Variants in EBF1 observed in about 807,000 individuals in gnomAD.
EBF1 encodes EBF transcription factor 1.
Under a neutral mutation model 68.4 loss-of-function variants are expected in EBF1, and 10 were observed. That is an observed-to-expected ratio of 0.15 (90% CI 0.09 to 0.25). The LOEUF (loss-of-function observed/expected upper bound fraction) is 0.25, where lower values mean the gene tolerates loss of function less well. EBF1 is among the 10% of genes least tolerant of loss of function. EBF1 has a pLI of 1.00. For synonymous variants in EBF1, 298 were observed against 299.8 expected, an observed-to-expected ratio of 0.99 and a Z score of 0.06; for missense variants, 509 against 794.4, an observed-to-expected ratio of 0.64 and a Z score of 4.32.
chr5:159,052,208 C>CA (rs79152124), intron 6 of EBF1, among the ~76,000 whole-genome samples: 83 of 144,574 alleles, frequency 5.7e-4, no homozygotes, highest in South Asian at 3.7e-3. Flanking sequence ...AGAATTCCAC[C>CA]AAAAAAAAAA....
intron 6 of EBF1, among the ~76,000 whole-genome samples, chr5:158,935,479 C>G (rs1811810609): frequency 6.6e-6 from 1 of 152,160 alleles, no homozygotes; most frequent in South Asian, 2.1e-4. Flanking sequence ...GGTAGAACAC[C>G]CTATATCCAC....
chr5:158,803,357 T>G (rs77125547), intron 8 of EBF1, among the ~76,000 whole-genome samples: 9 of 6,116 alleles, frequency 1.5e-3, no homozygotes, highest in Non-Finnish European at 2.7e-3. Context: ...TGCTGGTGTT[T>G]TTTTTTTTTT....
intron 9 of EBF1, among the ~76,000 whole-genome samples, chr5:158,792,823 C>T (rs1778915434): frequency 6.6e-6 from 1 of 152,060 alleles, no homozygotes; most frequent in African/African-American, 2.4e-5. Flanking sequence ...TCCAGTGGTG[C>T]CGATCACAAA....
At chr5:158,809,655 G>A (rs1163371722) in intron 8 of EBF1, among the ~76,000 whole-genome samples, 2 of 151,976 alleles carry the variant, frequency 1.3e-5, no homozygotes, top group Non-Finnish European at 2.9e-5. Context: ...TAATATAATA[G>A]CACAGGTGCC....
chr5:158,819,043 G>C (rs979568549), intron 8 of EBF1, among the ~76,000 whole-genome samples: 1 of 151,806 alleles, frequency 6.6e-6, no homozygotes, highest in African/African-American at 2.4e-5. Flanking sequence ...CATTTCTCTA[G>C]TCACCATGGA....
chr5:158,831,040 T>C (rs10070743), intron 7 of EBF1, among the ~76,000 whole-genome samples: 90,613 of 152,072 alleles, frequency 0.6, 27,165 homozygotes, highest in South Asian at 0.7. Context: ...AACGGTGACA[T>C]ATGATAAACA....
At chr5:158,872,996 ATTTT>A (rs539493620) in intron 6 of EBF1, among the ~76,000 whole-genome samples, 817 of 81,072 alleles carry the variant, frequency 0.01, 8 homozygotes, top group African/African-American at 0.026. Flanking sequence ...AATGACACTA[ATTTT>A]TTTTTTTTTT....
chr5:158,730,755 G>C (rs1269649603), intron 11 of EBF1, among the ~76,000 whole-genome samples: 1 of 152,196 alleles, frequency 6.6e-6, no homozygotes, highest in African/African-American at 2.4e-5. Flanking sequence ...CGATTTACAT[G>C]CTATGTGACC....
chr5:159,001,619 A>G (rs1479708578), intron 6 of EBF1, among the ~76,000 whole-genome samples: 2 of 152,186 alleles, frequency 1.3e-5, no homozygotes, highest in South Asian at 2.1e-4. Context: ...AGCTTCTGAT[A>G]TTACCTTCAT....
chr5:158,962,214 C>T (rs138633285), intron 6 of EBF1, among the ~76,000 whole-genome samples: 1 of 152,280 alleles, frequency 6.6e-6, no homozygotes, highest in African/African-American at 2.4e-5. Flanking sequence ...GCCCCCTTCT[C>T]AGATGTTTTG....
chr5:158,986,976 G>A (rs1171690856), intron 6 of EBF1: 1 of 152,216 alleles, frequency 6.6e-6, no homozygotes, highest in African/African-American at 2.4e-5. Context: ...CAGCTAGGAG[G>A]TGTCAGAGAC....
At chr5:158,740,411 A>G (rs2127568881) in intron 10 of EBF1, among the ~76,000 whole-genome samples, 1 of 152,326 alleles carries the variant, frequency 6.6e-6, no homozygotes, top group South Asian at 2.1e-4. Context: ...ACCAGTGGAC[A>G]GGTTTCAGAA....
Position 158,712,978 on chromosome 5 carries a change from G to T in EBF1, c.1361C>A (p.Thr454Asn). ...AAAAGCAAGCTTCTGACCCTGATTGGTGGCTTGTGATGCCTCGGAGACATT... is the reference window on the plus strand; with the variant it reads ...AAAAGCAAGCTTCTGACCCTGATTGTTGGCTTGTGATGCCTCGGAGACATT... The part of the protein sequence containing the change: ...AVNVSEASQA[T>N]NQGFTRNSSS... Residue 454 changes from threonine to asparagine, a missense_variant, in exon 13 of 16, where the codon ACC becomes AAC. Transcript: ENST00000313708. 6.7e-7 allele frequency: 1 copy of T among 1,487,210 alleles called. No homozygotes were observed. Among genetic ancestry groups the T allele is most frequent in the South Asian group, 1.4e-5 (1 of 70,116 alleles). 92.1% of individuals were successfully genotyped at this position (1,487,210 alleles called of 1,614,324 possible).
chr5:158,732,557 A>G (rs1422013797), intron 10 of EBF1, among the ~76,000 whole-genome samples: 1 of 152,244 alleles, frequency 6.6e-6, no homozygotes, highest in East Asian at 1.9e-4. Flanking sequence ...AAACCTTAAA[A>G]TTCCTTGATT....
At chr5:159,034,585 A>G (rs901909153) in intron 6 of EBF1, among the ~76,000 whole-genome samples, 1 of 152,194 alleles carries the variant, frequency 6.6e-6, no homozygotes, top group Non-Finnish European at 1.5e-5. Context: ...GCGAGGCCTG[A>G]CAGAGGAGAG....
intron 6 of EBF1, among the ~76,000 whole-genome samples, chr5:158,972,391 C>T (rs991265536): frequency 6.6e-6 from 1 of 152,156 alleles, no homozygotes; most frequent in African/African-American, 2.4e-5. Context: ...GTTGTCAAAG[C>T]GGATAGATGT....
intron 8 of EBF1, among the ~76,000 whole-genome samples, chr5:158,812,005 A>G (rs1782763177): frequency 6.6e-6 from 1 of 152,160 alleles, no homozygotes; most frequent in Admixed American, 6.6e-5. Flanking sequence ...TTTGTACCTT[A>G]TAGCACTTAA....
intron 6 of EBF1, among the ~76,000 whole-genome samples, chr5:158,887,248 A>G (rs1800243827): frequency 6.6e-6 from 1 of 152,206 alleles, no homozygotes; most frequent in Non-Finnish European, 1.5e-5. Flanking sequence ...TGGCCAATAA[A>G]ACCTAACAGG....
chr5:158,852,070 G>T (rs1371082910), intron 6 of EBF1, among the ~76,000 whole-genome samples: 1 of 77,676 alleles, frequency 1.3e-5, no homozygotes, highest in Non-Finnish European at 2.6e-5. Flanking sequence ...GAGGGGAGGA[G>T]AGGGGAGGGA....
Sources: allele counts gnomAD v4.1 joint callset (sites outside exome capture counted in the v4.1 genomes callset), GRCh38; gene constraint gnomAD v4.1.1; transcripts MANE v1.5; gene names NCBI Gene and HGNC (gene_info 2026-07-23, HGNC 2026-07-21).